Variants in CADPS2 observed in about 807,000 individuals in gnomAD.
CADPS2 encodes the protein calcium dependent secretion activator 2, also known as calcium-dependent secretion activator 2.
Under a neutral mutation model 172.5 loss-of-function variants are expected in CADPS2, and 93 were observed. The ratio of observed to expected loss-of-function variants is 0.54; its 90% confidence interval spans 0.46 to 0.64. The LOEUF (loss-of-function observed/expected upper bound fraction) is 0.64, where lower values mean the gene tolerates loss of function less well. Among genes scored for constraint, CADPS2 ranks in the 30% least tolerant of loss-of-function variants. CADPS2 has a pLI of 0.00. For missense variants in CADPS2, 1,420 were observed against 1,565.9 expected (o/e 0.91, Z 1.57); for synonymous variants, 546 against 555.2 (o/e 0.98, Z 0.23).
intron 3 of CADPS2, among the ~76,000 whole-genome samples, chr7:122,660,085 A>G (rs368977031): frequency 6.6e-6 from 1 of 152,224 alleles, no homozygotes; most frequent in Non-Finnish European, 1.5e-5. Flanking sequence ...GAGGAGGAAT[A>G]AATGAAGGTA....
intron 17 of CADPS2, among the ~76,000 whole-genome samples, chr7:122,425,425 C>CAAA (rs71159797): frequency 2.8e-5 from 2 of 72,676 alleles, no homozygotes; most frequent in African/African-American, 1.1e-4. Context: ...CTATCTCTAC[C>CAAA]AAAAAAAAAA....
intron 2 of CADPS2, among the ~76,000 whole-genome samples, chr7:122,693,460 G>A (rs2084656050): frequency 1.3e-5 from 2 of 152,140 alleles, no homozygotes; most frequent in Non-Finnish European, 2.9e-5. Flanking sequence ...CCTGATTAAA[G>A]GTTCTTTGGA....
At chr7:122,599,704 A>C (rs182454741) in intron 6 of CADPS2, among the ~76,000 whole-genome samples, 151 of 152,228 alleles carry the variant, frequency 9.9e-4, no homozygotes, top group African/African-American at 3.5e-3. Flanking sequence ...TCTAAACTTG[A>C]AAGCTATTTC....
At chr7:122,529,231 CA>C (rs71908581) in intron 8 of CADPS2, among the ~76,000 whole-genome samples, 3,451 of 151,902 alleles carry the variant, frequency 0.023, 152 homozygotes, top group African/African-American at 0.079. Context: ...CTTCCCACCC[CA>C]AAAAAGCAAC....
chr7:122,652,928 T>C (rs1237558073), intron 3 of CADPS2, among the ~76,000 whole-genome samples: 1 of 152,224 alleles, frequency 6.6e-6, no homozygotes. Context: ...CCTTCATGCC[T>C]TAATGTTGAT....
At chr7:122,598,056 G>T (rs1286267302) in intron 6 of CADPS2, among the ~76,000 whole-genome samples, 1 of 151,904 alleles carries the variant, frequency 6.6e-6, no homozygotes, top group African/African-American at 2.4e-5. Flanking sequence ...AGTTATTTTA[G>T]AACTACCATT....
intron 3 of CADPS2, among the ~76,000 whole-genome samples, chr7:122,643,418 C>T (rs1335029121): frequency 6.6e-6 from 1 of 152,192 alleles, no homozygotes; most frequent in African/African-American, 2.4e-5. Flanking sequence ...AACACATGAG[C>T]TCTGTCCTCA....
intron 2 of CADPS2, among the ~76,000 whole-genome samples, chr7:122,711,390 T>C (rs1191678466): frequency 3.3e-5 from 5 of 152,110 alleles, no homozygotes; most frequent in Non-Finnish European, 5.9e-5. Context: ...ATATATCAGG[T>C]CATGAGCCCC....
rs533872561 is a variant in CADPS2, at chr7:122,858,804, T to C, written c.339+27195A>G. On this transcript the variant is annotated intron_variant, in intron 1 of 29. Coordinates refer to ENST00000449022, the MANE Select transcript of CADPS2 (RefSeq NM_017954.11). ...AAAATAAATGAAAACATTGGGGGCA[T>C]AGTGAGGTCCCTGGTAAGAACAAGT... Among the ~76,000 whole-genome samples, 9 of 152,314 alleles carry C rather than the reference T, an allele frequency of 5.9e-5. No homozygotes were observed. In the South Asian group the frequency reaches 1.0e-3, roughly 18 times the overall value.
chr7:122,698,254 C>T, intron 2 of CADPS2: 1 of 1,614,002 alleles, frequency 6.2e-7, no homozygotes, highest in Non-Finnish European at 8.5e-7. Context: ...TCGCTGCCAT[C>T]TCCGGTTCTG....
At chr7:122,862,142 A>C (rs547740687) in intron 1 of CADPS2, among the ~76,000 whole-genome samples, 1 of 152,344 alleles carries the variant, frequency 6.6e-6, no homozygotes, top group African/African-American at 2.4e-5. Flanking sequence ...AGCTATAGGA[A>C]GGCTACAGGA....
At chr7:122,853,053 T>C (rs924808503) in intron 1 of CADPS2, among the ~76,000 whole-genome samples, 3 of 152,190 alleles carry the variant, frequency 2.0e-5, no homozygotes, top group African/African-American at 4.8e-5. Context: ...ACTATAATCA[T>C]AGGAACCACA....
chr7:122,723,475 G>A (rs2090717605), intron 2 of CADPS2, among the ~76,000 whole-genome samples: 1 of 152,252 alleles, frequency 6.6e-6, no homozygotes, highest in South Asian at 2.1e-4. Flanking sequence ...AAACCACAAT[G>A]AGATACCATC....
At chr7:122,809,234 T>A (rs1028291957) in intron 1 of CADPS2, among the ~76,000 whole-genome samples, 3 of 152,086 alleles carry the variant, frequency 2.0e-5, no homozygotes, top group Admixed American at 6.5e-5. Context: ...CTAGTGTGAA[T>A]CAGCTTTGTG....
intron 1 of CADPS2, among the ~76,000 whole-genome samples, chr7:122,809,097 T>C (rs916374875): frequency 6.6e-6 from 1 of 152,196 alleles, no homozygotes; most frequent in Non-Finnish European, 1.5e-5. Flanking sequence ...GCTTCATATC[T>C]GCTTCATGTG....
intron 2 of CADPS2, among the ~76,000 whole-genome samples, chr7:122,675,057 C>T (rs1351299352): frequency 1.3e-5 from 2 of 152,122 alleles, no homozygotes; most frequent in South Asian, 2.1e-4. Flanking sequence ...CATTTTACTT[C>T]CTGATTCATA....
chr7:122,705,694 ATATATAATATATCATATAT>A lies in CADPS2; in HGVS notation c.453+31242_453+31260del, dbSNP rs1234867514. On this transcript the variant is annotated intron_variant, in intron 2 of 29. Coordinates refer to ENST00000449022, the MANE Select transcript of CADPS2 (RefSeq NM_017954.11). ...TATATTATATAATATATCACATATT[ATATATAATATATCATATAT>A]TATATAATATATCATATATTATATA... is the stretch of plus-strand genomic sequence containing the variant. Among the ~76,000 whole-genome samples, 13 of 46,498 alleles carry A rather than the reference ATATATAATATATCATATAT, an allele frequency of 2.8e-4. 3 individuals carry two copies. The highest frequency in any genetic ancestry group is 7.5e-4 in the African/African-American group (11 of 14,678). The allele number at this position is 46,498 out of a possible 152,430, so 30.5% of individuals were successfully genotyped here.
At chr7:122,794,023 T>A (rs1379111642) in intron 1 of CADPS2, among the ~76,000 whole-genome samples, 1 of 152,128 alleles carries the variant, frequency 6.6e-6, no homozygotes, top group East Asian at 1.9e-4. Flanking sequence ...CTTCTCTTTG[T>A]AGGCGTCCTG....
intron 2 of CADPS2, chr7:122,681,762 AC>A (rs1564052148): frequency 3.2e-5 from 17 of 534,458 alleles, no homozygotes; most frequent in South Asian, 2.0e-4. Flanking sequence ...AAGAAAAAAA[AC>A]AACATCTAAA....
Sources: allele counts gnomAD v4.1 joint callset (sites outside exome capture counted in the v4.1 genomes callset), GRCh38; gene constraint gnomAD v4.1.1; transcripts MANE v1.5; gene names NCBI Gene and HGNC (gene_info 2026-07-23, HGNC 2026-07-21).